Variants in ZNF549 observed in about 807,000 individuals in gnomAD.
ZNF549 encodes the protein zinc finger protein 549.
A neutral mutation model predicts 11.1 loss-of-function variants in ZNF549; 11 were observed. That is an observed-to-expected ratio of 0.99 (90% CI 0.62 to 1.64). ZNF549 has a LOEUF of 1.64. ZNF549 is among the 40% of genes most tolerant of loss of function. ZNF549 has a pLI of 0.00. For missense variants in ZNF549, 748 were observed against 765.1 expected, an observed-to-expected ratio of 0.98 and a Z score of 0.26; for synonymous variants, 266 against 269.1, an observed-to-expected ratio of 0.99 and a Z score of 0.11.
At chr19:57,532,648 GAATGTGGTCTGTC>G (rs2089908661) in intron 2 of ZNF549, among the ~76,000 whole-genome samples, 1 of 152,214 alleles carries the variant, frequency 6.6e-6, no homozygotes, top group Admixed American at 6.5e-5. Flanking sequence ...AACAGGCCCA[GAATGTGGTCTGTC>G]TTGTTGAATA....
At position 57,538,130 on chromosome 19, in the gene ZNF549, C is replaced by A; in HGVS notation, c.1126C>A (p.Arg376Ser). The change falls in exon 4 of 4, where the codon CGC (arginine) becomes AGC (serine). Residue 376 changes from arginine to serine, a missense_variant. Arg to Ser is a moderately radical substitution (Grantham distance 110, BLOSUM62 -1). Coordinates refer to ENST00000376233, the MANE Select transcript of ZNF549 (RefSeq NM_001199295.2). Reference protein sequence around the residue: ...CGKSFIHSYDRIRHQRVHTGE... With the variant: ...CGKSFIHSYDSIRHQRVHTGE... ...GAAATCTTTTATTCATTCCTATGAC[C>A]GCATTCGACACCAGAGAGTTCACAC... The A allele has an allele frequency of 1.2e-6, 2 of 1,614,036 alleles. No individual in the cohort carries two copies. Among genetic ancestry groups the A allele is most frequent in the South Asian group, 2.2e-5 (2 of 91,080 alleles).
chr19:57,537,477 AAC>A lies in ZNF549; in HGVS notation c.477_478del (p.Ile160GlnfsTer12). 6.2e-7 allele frequency: 1 copy of A among 1,614,222 alleles called. No individual in the cohort carries two copies. The highest frequency in any genetic ancestry group is 8.5e-7 in the Non-Finnish European group (1 of 1,180,036). ...CACCAGAACCAGGACAGTGGAGAGA[AAC>A]ACATCAGAAAGGAGGAGAGCAGTGC... is the stretch of plus-strand genomic sequence containing the variant. On this transcript the variant is annotated frameshift_variant, in exon 4 of 4. Transcript: ENST00000376233. LOFTEE classifies it low-confidence loss of function (END_TRUNC).
At chr19:57,535,605 C>G (rs546438166) in intron 3 of ZNF549, among the ~76,000 whole-genome samples, 1 of 152,246 alleles carries the variant, frequency 6.6e-6, no homozygotes, top group African/African-American at 2.4e-5. Flanking sequence ...GTAGACGTGT[C>G]TTTGGACCTG....
At chr19:57,528,844 G>T (rs950897476) in intron 1 of ZNF549, among the ~76,000 whole-genome samples, 1 of 152,212 alleles carries the variant, frequency 6.6e-6, no homozygotes, top group African/African-American at 2.4e-5. Flanking sequence ...CGAATAAAAT[G>T]TCACTATAAC....
chr19:57,537,443 C>T lies in ZNF549; in HGVS notation c.439C>T (p.Leu147=). ...GAAATGGTTTTCATTTGGTTCTAAC[C>T]TGCAACAGCACCAGAACCAGGACAG... ...SGKWFSFGSN[L]QQHQNQDSGE... Residue 147 remains leucine, a synonymous_variant, in exon 4 of 4, where the codon CTG becomes TTG. Transcript: ENST00000376233. 1.9e-6 allele frequency: 3 copies of T among 1,614,216 alleles called. No homozygotes were observed. The highest frequency in any genetic ancestry group is 2.5e-6 in the Non-Finnish European group (3 of 1,180,044).
In ZNF549 at chr19:57,538,193, T is replaced by A; in HGVS notation, c.1189T>A (p.Ser397Thr). The change falls in exon 4 of 4, where the codon TCC (serine) becomes ACC (threonine). Residue 397 changes from serine to threonine, a missense_variant. Coordinates refer to ENST00000376233, the MANE Select transcript of ZNF549 (RefSeq NM_001199295.2). ...GAYQCSECGK[S>T]FIYKQSLLDH... Reference sequence around the variant, plus strand: ...TTATCAGTGCAGTGAATGTGGGAAATCCTTCATATACAAACAGTCACTTCT... The same window carrying A: ...TTATCAGTGCAGTGAATGTGGGAAAACCTTCATATACAAACAGTCACTTCT... The A allele has an allele frequency of 6.2e-7, 1 of 1,610,794 alleles. No individual in the cohort carries two copies. Among genetic ancestry groups the A allele is most frequent in the Non-Finnish European group, 8.5e-7 (1 of 1,179,086 alleles).
chr19:57,531,218 G>C, intron 2 of ZNF549, 110 bp downstream of exon 2: 1 of 1,151,042 alleles, frequency 8.7e-7, no homozygotes, highest in Non-Finnish European at 1.3e-6. Flanking sequence ...CCTTCATCTT[G>C]GGTCCCTGGG....
At chr19:57,531,304 T>G (rs927694265) in intron 2 of ZNF549, among the ~76,000 whole-genome samples, 196 bp downstream of exon 2, 6 of 152,200 alleles carry the variant, frequency 3.9e-5, no homozygotes, top group Non-Finnish European at 7.3e-5. Context: ...TCCAATAGGA[T>G]GAAGTGATGA....
chr19:57,533,839 T>G (rs2089913458), intron 2 of ZNF549, among the ~76,000 whole-genome samples: 1 of 152,126 alleles, frequency 6.6e-6, no homozygotes, highest in African/African-American at 2.4e-5. Context: ...CCTAGAATTG[T>G]CCATTTTTCA....
At chr19:57,533,169 A>G (rs1313519013) in intron 2 of ZNF549, among the ~76,000 whole-genome samples, 2 of 152,184 alleles carry the variant, frequency 1.3e-5, no homozygotes, top group Non-Finnish European at 2.9e-5. Context: ...ATTGCTGTAA[A>G]TAGGCCTTTA....
Position 57,538,918 on chromosome 19 carries a change from A to G in ZNF549, c.1914A>G (p.Glu638=), listed in dbSNP as rs1011789321. The change falls in exon 4 of 4, where the codon GAA becomes GAG. Residue 638 remains glutamate, a synonymous_variant. Coordinates refer to ENST00000376233, the MANE Select transcript of ZNF549 (RefSeq NM_001199295.2). ...LVRHQKVHIT[E]EP is the part of the protein sequence containing the mutation. ...GGCACCAGAAGGTACATATAACAGA[A>G]GAGCCCTAGCAATTGTTGGGATGTG... 3 of 1,599,676 alleles carry G rather than the reference A, an allele frequency of 1.9e-6. No homozygotes were observed. Among genetic ancestry groups the G allele is most frequent in the African/African-American group, 2.7e-5 (2 of 74,782 alleles).
intron 2 of ZNF549, among the ~76,000 whole-genome samples, chr19:57,534,141 G>A (rs1351397975): frequency 6.6e-6 from 1 of 152,192 alleles, no homozygotes; most frequent in African/African-American, 2.4e-5. Flanking sequence ...AGGATGTAGA[G>A]AGTATTCTCT....
intron 2 of ZNF549, among the ~76,000 whole-genome samples, chr19:57,531,677 T>A (rs2089904701): frequency 6.6e-6 from 1 of 152,210 alleles, no homozygotes; most frequent in South Asian, 2.1e-4. Flanking sequence ...AGCACTGTGA[T>A]AATGAGACAG....
chr19:57,536,813 G>A (rs1462902357), intron 3 of ZNF549, among the ~76,000 whole-genome samples: 1 of 152,138 alleles, frequency 6.6e-6, no homozygotes. Context: ...CCATGGCCTG[G>A]GTGCAATGGC....
intron 1 of ZNF549, among the ~76,000 whole-genome samples, chr19:57,528,654 G>A (rs1022373324): frequency 1.3e-5 from 2 of 152,162 alleles, no homozygotes; most frequent in East Asian, 3.8e-4. Context: ...TTGAGGGTGG[G>A]ACACTGTGTA....
Position 57,537,476 on chromosome 19 carries a change from A to T in ZNF549, c.472A>T (p.Lys158Ter). Reference sequence around the variant, plus strand: ...GCACCAGAACCAGGACAGTGGAGAGAAACACATCAGAAAGGAGGAGAGCAG... The same window carrying T: ...GCACCAGAACCAGGACAGTGGAGAGTAACACATCAGAAAGGAGGAGAGCAG... ...QQHQNQDSGE[K>*]HIRKEESSAL... The change falls in exon 4 of 4, where the codon AAA (lysine) becomes TAA (stop). Residue 158 changes from lysine to a stop codon, truncating the protein, a stop_gained. Coordinates refer to ENST00000376233, the MANE Select transcript of ZNF549 (RefSeq NM_001199295.2). LOFTEE classifies it low-confidence loss of function (END_TRUNC). 3 of 1,614,214 alleles carry T rather than the reference A, an allele frequency of 1.9e-6. No homozygotes were observed. Among genetic ancestry groups the T allele is most frequent in the Non-Finnish European group, 2.5e-6 (3 of 1,180,040 alleles).
At chr19:57,535,503 C>T (rs1440242816) in intron 3 of ZNF549, 1 of 479,630 alleles carries the variant, frequency 2.1e-6, no homozygotes, top group African/African-American at 1.9e-5. Flanking sequence ...TGTAACTTGC[C>T]CAACCGACAC....
Position 57,527,519 on chromosome 19 carries a change from C to T in ZNF549, c.-55C>T. The stretch of plus-strand genomic sequence containing the variant: ...CCAGCGATTTGCCACCGCACGCACG[C>T]CGGATCCCGGGCTTTACCGCCCGCC... On this transcript the variant is annotated 5_prime_UTR_variant, in exon 1 of 4. Coordinates refer to ENST00000376233, the MANE Select transcript of ZNF549 (RefSeq NM_001199295.2). The T allele has an allele frequency of 1.2e-6, 2 of 1,610,820 alleles. No homozygotes were observed. Among genetic ancestry groups the T allele is most frequent in the Non-Finnish European group, 1.7e-6 (2 of 1,179,062 alleles).
rs1201182576 is a variant in ZNF549 at position 57,535,141 on chromosome 19, C to T, written c.73-3C>T. 1 of 1,613,548 alleles carries T rather than the reference C, an allele frequency of 6.2e-7. No individual in the cohort carries two copies. On this transcript the variant is annotated splice_region_variant and splice_polypyrimidine_tract_variant and intron_variant, in intron 2 of 3. Coordinates refer to ENST00000376233, the MANE Select transcript of ZNF549 (RefSeq NM_001199295.2). ...CATGATTTCATCTGCCCCCATCATGCAGGGCCATGTGACCTTTGAGGATAT... is the reference window on the plus strand; with the variant it reads ...CATGATTTCATCTGCCCCCATCATGTAGGGCCATGTGACCTTTGAGGATAT...
Sources: allele counts gnomAD v4.1 joint callset (sites outside exome capture counted in the v4.1 genomes callset), GRCh38; gene constraint gnomAD v4.1.1; transcripts MANE v1.5; gene names NCBI Gene and HGNC (gene_info 2026-07-23, HGNC 2026-07-21).